The following CARF variants were observed in gnomAD, a reference collection of about 807,000 sequenced individuals.
The protein encoded by CARF is calcium-responsive transcription factor.
Under a neutral mutation model 82.0 loss-of-function variants are expected in CARF, and 57 were observed. The observed-to-expected ratio is 0.70, with a 90% CI of 0.56 to 0.87. CARF has a LOEUF of 0.87. CARF is among the 40% of genes least tolerant of loss of function. The pLI, the probability that CARF is intolerant of heterozygous loss-of-function variation, is 0.00. For missense variants in CARF, 771 were observed against 855.8 expected, an observed-to-expected ratio of 0.90 and a Z score of 1.24; for synonymous variants, 268 against 290.1, an observed-to-expected ratio of 0.92 and a Z score of 0.77.
At chr2:202,966,006 T>G (rs2059534163) in intron 9 of CARF, among the ~76,000 whole-genome samples, 2 of 152,310 alleles carry the variant, frequency 1.3e-5, no homozygotes, top group South Asian at 2.1e-4. Flanking sequence ...TTCACTCTTG[T>G]GGCTGTCAGC....
chr2:202,945,993 A>G (rs1008756073), intron 5 of CARF, among the ~76,000 whole-genome samples: 3 of 152,164 alleles, frequency 2.0e-5, no homozygotes, highest in African/African-American at 7.2e-5. Flanking sequence ...TGACTTTTTA[A>G]TAATGGCCAT....
intron 3 of CARF, among the ~76,000 whole-genome samples, chr2:202,926,276 T>A (rs1327748848): frequency 6.6e-6 from 1 of 152,160 alleles, no homozygotes; most frequent in East Asian, 1.9e-4. Flanking sequence ...TTTTTCATGC[T>A]CGCAACTGAA....
chr2:202,964,881 G>GTGTA (rs1553568380), intron 9 of CARF, among the ~76,000 whole-genome samples: 6 of 91,174 alleles, frequency 6.6e-5, no homozygotes, highest in Admixed American at 2.3e-4. Flanking sequence ...ATACATATAT[G>GTGTA]TGTATATATA....
intron 9 of CARF, among the ~76,000 whole-genome samples, chr2:202,964,059 G>A (rs937582350): frequency 2.0e-5 from 3 of 150,812 alleles, no homozygotes; most frequent in African/African-American, 7.3e-5. Flanking sequence ...CACACCAAGA[G>A]AAACAAATAA....
Position 202,977,367 on chromosome 2 carries a change from C to G in CARF, c.1558+35C>G, listed in dbSNP as rs1215150510. The G allele has an allele frequency of 2.0e-6, 3 of 1,479,178 alleles. No individual in the cohort carries two copies. In the African/African-American group the frequency reaches 4.2e-5, roughly 21 times the overall value. The allele number at this position is 1,479,178 out of a possible 1,614,324, so 91.6% of individuals were successfully genotyped here. On this transcript the variant is annotated intron_variant, in intron 14 of 16. Coordinates refer to ENST00000438828, the MANE Select transcript of CARF (RefSeq NM_024744.17). ...CTTGAATACCTTTAAAATATAAATTCAAATGGTGTTTAACTGGAAGGAACT... is the reference window on the plus strand; with the variant it reads ...CTTGAATACCTTTAAAATATAAATTGAAATGGTGTTTAACTGGAAGGAACT...
chr2:202,958,280 T>TGTGTGTGTGTGTGTGC (rs2059145709), intron 8 of CARF, among the ~76,000 whole-genome samples: 1 of 151,018 alleles, frequency 6.6e-6, no homozygotes, highest in Non-Finnish European at 1.5e-5. Context: ...TGTGTGTGTG[T>TGTGTGTGTGTGTGTGC]AGTTTTAGCT....
At chr2:202,967,140 AT>A (rs1175137776) in intron 10 of CARF, 42 bp downstream of exon 10, 3 of 1,594,302 alleles carry the variant, frequency 1.9e-6, no homozygotes, top group African/African-American at 1.4e-5. Flanking sequence ...TTAAGAACTT[AT>A]TTTTGAATAG....
chr2:202,935,113 T>C (rs1693676978), intron 3 of CARF, among the ~76,000 whole-genome samples: 1 of 143,112 alleles, frequency 7.0e-6, no homozygotes, highest in Non-Finnish European at 1.5e-5. Flanking sequence ...TATATAATTA[T>C]ATATAATTAT....
Position 202,983,701 on chromosome 2 carries a change from G to A in CARF, c.*77G>A, listed in dbSNP as rs1018411368. The A allele has an allele frequency of 3.6e-5, 32 of 887,470 alleles. No homozygotes were observed. Among genetic ancestry groups the A allele is most frequent in the South Asian group, 1.2e-4 (8 of 68,204 alleles). 55.0% of individuals were successfully genotyped at this position (887,470 alleles called of 1,614,324 possible). A position where few individuals can be genotyped will look rare whatever the true frequency, so the allele number is the denominator to read the frequency against. On this transcript the variant is annotated 3_prime_UTR_variant, in exon 17 of 17. Transcript: ENST00000438828. ...AAAGGAAGGTGAATATAGTCAAAGC[G>A]TGGCATTGAGATAATTGGACTGAAG...
At position 202,986,894 on chromosome 2, in the gene CARF, A is replaced by ACATATATATATACG. The variant is rs1180357743; in HGVS notation, c.*3270_*3271insCATATATATATACG. 1.5e-5 allele frequency: 2 copies of ACATATATATATACG among 131,430 alleles called. No individual in the cohort carries two copies. Among genetic ancestry groups the ACATATATATATACG allele is most frequent in the Non-Finnish European group, 3.4e-5 (2 of 59,524 alleles). The allele number at this position is 131,430 out of a possible 1,614,324, so 8.1% of individuals were successfully genotyped here. ...TATATATATATATATATATATATATATATATATATATATAGCAACTTGATG... is the reference window on the plus strand; with the variant it reads ...TATATATATATATATATATATATATACATATATATATACGTATATATATATATAGCAACTTGATG... On this transcript the variant is annotated 3_prime_UTR_variant, in exon 17 of 17. Coordinates refer to ENST00000438828, the MANE Select transcript of CARF (RefSeq NM_024744.17).
intron 8 of CARF, among the ~76,000 whole-genome samples, chr2:202,960,562 C>A (rs2059266534): frequency 6.6e-6 from 1 of 152,104 alleles, no homozygotes. Context: ...AGAGAAGGAT[C>A]TTCATAAAAA....
intron 3 of CARF, among the ~76,000 whole-genome samples, chr2:202,929,398 A>G (rs1692461482): frequency 6.6e-6 from 1 of 152,152 alleles, no homozygotes; most frequent in Non-Finnish European, 1.5e-5. Context: ...ATTTTACTGC[A>G]TACAGATATC....
rs147732636 is a variant in CARF at position 202,964,294 on chromosome 2, T to G, written c.833-2684T>G. 5.3e-3 allele frequency among the ~76,000 whole-genome samples: 789 copies of G among 149,194 alleles called. 9 individuals are homozygous for G. Among genetic ancestry groups the G allele is most frequent in the African/African-American group, 0.018 (717 of 38,804 alleles). On this transcript the variant is annotated intron_variant, in intron 9 of 16. Coordinates refer to ENST00000438828, the MANE Select transcript of CARF (RefSeq NM_024744.17). ...TCTTTGTTTGTTTGTTTGTTTGTTT[T>G]TTTGAGTCGGGGTCTCACTCTGTCA...
chr2:202,917,808 T>C (rs1018367818), intron 1 of CARF, 69 bp from the exon 2 acceptor site: 8 of 214,826 alleles, frequency 3.7e-5, no homozygotes, highest in African/African-American at 1.9e-4. Context: ...AAAACCTGCA[T>C]AACAAAAAGT....
At chr2:202,919,945 C>T (rs1054531961) in intron 2 of CARF, among the ~76,000 whole-genome samples, 43 of 152,124 alleles carry the variant, frequency 2.8e-4, no homozygotes, top group African/African-American at 1.0e-3. Context: ...ACACTTTTAG[C>T]ATAGTACCTT....
chr2:202,979,772 G>A (rs1192026442), intron 14 of CARF, among the ~76,000 whole-genome samples: 1 of 151,222 alleles, frequency 6.6e-6, no homozygotes, highest in Admixed American at 6.6e-5. Context: ...CTGCACTCCA[G>A]CCTGGGCAAC....
At chr2:202,967,249 C>A in intron 10 of CARF, 151 bp downstream of exon 10, 3 of 828,282 alleles carry the variant, frequency 3.6e-6, no homozygotes, top group Non-Finnish European at 3.6e-6. Context: ...TTTAAAGCAA[C>A]AACTCTTACT....
At chr2:202,938,040 G>A (rs1205879418) in intron 3 of CARF, among the ~76,000 whole-genome samples, 3 of 151,878 alleles carry the variant, frequency 2.0e-5, no homozygotes, top group Non-Finnish European at 4.4e-5. Context: ...TGTAAAATGG[G>A]GTATCCATCC....
At chr2:202,952,855 C>T (rs2058819963) in intron 6 of CARF, among the ~76,000 whole-genome samples, 176 bp downstream of exon 6, 1 of 152,088 alleles carries the variant, frequency 6.6e-6, no homozygotes, top group Non-Finnish European at 1.5e-5. Flanking sequence ...TTTTCAACTC[C>T]TGTCTAGGTT....
Sources: gnomAD v4.1 joint callset for allele counts (sites outside exome capture counted in the v4.1 genomes callset) on GRCh38, gnomAD v4.1.1 for gene constraint, MANE v1.5 for transcripts, NCBI Gene and HGNC (gene_info 2026-07-23, HGNC 2026-07-21) for gene names.